Variants in TPD52L2 observed in about 807,000 individuals in gnomAD.
TPD52L2 encodes TPD52 like 2.
Under a neutral mutation model 24.7 loss-of-function variants are expected in TPD52L2, and 19 were observed. The ratio of observed to expected loss-of-function variants is 0.77; its 90% confidence interval spans 0.54 to 1.13. TPD52L2 has a LOEUF of 1.13. Ranked by LOEUF, TPD52L2 falls within the 50% of genes most tolerant of loss-of-function variation. TPD52L2 has a pLI of 0.00. For synonymous variants in TPD52L2, 104 were observed against 100.2 expected (o/e 1.04, Z -0.23); for missense variants, 236 against 250.4 (o/e 0.94, Z 0.39).
intron 4 of TPD52L2, chr20:63,876,948 G>A (rs966572172): frequency 2.2e-6 from 1 of 455,008 alleles, no homozygotes; most frequent in Non-Finnish European, 4.4e-6. Flanking sequence ...TGTGGGCATG[G>A]CTACAGCAGC....
In TPD52L2 at chr20:63,865,285, T is replaced by A; in HGVS notation, c.-81T>A. The A allele has an allele frequency of 2.1e-6, 3 of 1,451,032 alleles. No individual in the cohort carries two copies. The highest frequency in any genetic ancestry group is 2.7e-6 in the Non-Finnish European group (3 of 1,098,378). 89.9% of individuals were successfully genotyped at this position (1,451,032 alleles called of 1,614,324 possible). A position where few individuals can be genotyped will look rare whatever the true frequency, so the allele number is the denominator to read the frequency against. On this transcript the variant is annotated 5_prime_UTR_variant, in exon 1 of 7. Transcript: ENST00000346249. ...GAGCTGAGGCAGTTCCGCTGGCTAG[T>A]GTGTACGCGGCGAGCTTCTCCCGGC...
intron 2 of TPD52L2, among the ~76,000 whole-genome samples, chr20:63,871,139 T>G (rs2052448821): frequency 1.3e-5 from 2 of 151,534 alleles, no homozygotes; most frequent in Non-Finnish European, 2.9e-5. Context: ...GCCTCCCTGG[T>G]TCAAGTGATT....
intron 5 of TPD52L2, chr20:63,886,094 A>AG (rs754895124): frequency 8.2e-6 from 13 of 1,589,390 alleles, no homozygotes; most frequent in Non-Finnish European, 1.1e-5. Flanking sequence ...GAATTGGGGC[A>AG]GGGTGGACTC....
In TPD52L2 at chr20:63,877,472, C is replaced by G. The variant is rs1356931650; in HGVS notation, c.374+1597C>G. Among the ~76,000 whole-genome samples, 2 of 152,118 alleles carry G rather than the reference C, an allele frequency of 1.3e-5. No individual in the cohort carries two copies. Among genetic ancestry groups the G allele is most frequent in the African/African-American group, 4.8e-5 (2 of 41,420 alleles). The stretch of plus-strand genomic sequence containing the variant: ...CTGCACCCGGCTTGAGCAGGGTGTT[C>G]TAGGGACCCTGGTGGGCTGTGTCTC... On this transcript the variant is annotated intron_variant, in intron 4 of 6. Coordinates refer to ENST00000346249, the MANE Select transcript of TPD52L2 (RefSeq NM_003288.4). This position sits in a 1 kb window ranked among gnomAD's most constrained non-coding sequence, Gnocchi z 4.1.
chr20:63,876,522 C>T, intron 4 of TPD52L2: 1 of 348,622 alleles, frequency 2.9e-6, no homozygotes, highest in Non-Finnish European at 5.7e-6. Flanking sequence ...ACTTCATTTA[C>T]TTGTGCTCTG....
At position 63,870,625 on chromosome 20, in the gene TPD52L2, G is replaced by A. The variant is rs960613727; in HGVS notation, c.165+1184G>A. On this transcript the variant is annotated intron_variant, in intron 2 of 6. Coordinates refer to ENST00000346249, the MANE Select transcript of TPD52L2 (RefSeq NM_003288.4). Reference sequence around the variant, plus strand: ...TGCAACCTCCAACACCCGGGTTCACGCCATTCTCCTGCCTCAGCCTCCTGA... The same window carrying A: ...TGCAACCTCCAACACCCGGGTTCACACCATTCTCCTGCCTCAGCCTCCTGA... 4.2e-5 allele frequency among the ~76,000 whole-genome samples: 6 copies of A among 143,242 alleles called. 1 individual carries two copies. Among genetic ancestry groups the A allele is most frequent in the East Asian group, 2.2e-4 (1 of 4,472 alleles). The allele number at this position is 143,242 out of a possible 152,430, so 94.0% of individuals were successfully genotyped here. A position where few individuals can be genotyped will look rare whatever the true frequency, so the allele number is the denominator to read the frequency against.
intron 5 of TPD52L2, chr20:63,886,108 C>T (rs1246076643): frequency 1.9e-6 from 3 of 1,539,588 alleles, no homozygotes; most frequent in Non-Finnish European, 2.7e-6. Flanking sequence ...TGGACTCCGG[C>T]AGGGCCCTTG....
intron 3 of TPD52L2, 68 bp downstream of exon 3, chr20:63,873,884 T>G (rs2052561020): frequency 2.8e-6 from 4 of 1,408,282 alleles, no homozygotes; most frequent in Non-Finnish European, 3.7e-6. Context: ...CCCCGGCATG[T>G]GGGGGGGCGT....
chr20:63,886,697 C>T (rs2053134430), intron 5 of TPD52L2, among the ~76,000 whole-genome samples: 1 of 148,524 alleles, frequency 6.7e-6, no homozygotes, highest in Admixed American at 6.8e-5. Context: ...CAGGCTGGAG[C>T]ACAGTGGTGT....
At chr20:63,876,222 T>A (rs1048159172) in intron 4 of TPD52L2, among the ~76,000 whole-genome samples, 2 of 152,228 alleles carry the variant, frequency 1.3e-5, no homozygotes, top group Non-Finnish European at 2.9e-5. Context: ...CCACTTGGCC[T>A]GGGTTTGTTG....
intron 5 of TPD52L2, among the ~76,000 whole-genome samples, chr20:63,884,689 G>A (rs1358206021): frequency 2.6e-5 from 4 of 152,204 alleles, no homozygotes; most frequent in Non-Finnish European, 5.9e-5. Flanking sequence ...TCAGGGCATG[G>A]CTGGCAGTGA....
At chr20:63,883,824 G>C (rs35438264) in intron 5 of TPD52L2, among the ~76,000 whole-genome samples, 55,831 of 111,144 alleles carry the variant, frequency 0.5, 10,951 homozygotes, top group East Asian at 0.74. Context: ...TGGGCTGCCT[G>C]CCTGCCTGCC....
intron 1 of TPD52L2, among the ~76,000 whole-genome samples, chr20:63,867,708 T>A (rs2052306104): frequency 6.6e-6 from 1 of 151,706 alleles, no homozygotes; most frequent in Admixed American, 6.6e-5. Flanking sequence ...TTAAGAAGAG[T>A]ATCTTTGTTA....
intron 1 of TPD52L2, among the ~76,000 whole-genome samples, chr20:63,867,578 G>A (rs1485930577): frequency 6.6e-6 from 1 of 150,730 alleles, no homozygotes; most frequent in Non-Finnish European, 1.5e-5. Context: ...AAAAAAAAAA[G>A]AGAATCAGTG....
At chr20:63,867,576 AAG>A (rs1258993542) in intron 1 of TPD52L2, among the ~76,000 whole-genome samples, 1 of 151,890 alleles carries the variant, frequency 6.6e-6, no homozygotes, top group Non-Finnish European at 1.5e-5. Context: ...AAAAAAAAAA[AAG>A]AGAATCAGTG....
rs1158969106 is a variant in TPD52L2 at position 63,877,040 on chromosome 20, T to A, written c.374+1165T>A. On this transcript the variant is annotated intron_variant, in intron 4 of 6. Coordinates refer to ENST00000346249, the MANE Select transcript of TPD52L2 (RefSeq NM_003288.4). This position sits in a 1 kb window ranked among gnomAD's most constrained non-coding sequence, Gnocchi z 4.1. ...GTTTTTTTTGTTTGTTTGGTTTTTT[T>A]TTTGAGACAACGTCTCGTTCTGTCT... is the stretch of plus-strand genomic sequence containing the variant. 2.3e-6 allele frequency: 1 copy of A among 443,180 alleles called. No individual in the cohort carries two copies. The highest frequency in any genetic ancestry group is 4.5e-6 in the Non-Finnish European group (1 of 223,802). 27.5% of individuals were successfully genotyped at this position (443,180 alleles called of 1,614,324 possible).
intron 5 of TPD52L2, among the ~76,000 whole-genome samples, chr20:63,886,377 T>TC (rs1241395170): frequency 1.3e-5 from 2 of 152,010 alleles, no homozygotes; most frequent in Non-Finnish European, 2.9e-5. Flanking sequence ...TTTTTTTTTT[T>TC]TTAGACGGAG....
At chr20:63,883,581 A>G (rs1368388153) in intron 5 of TPD52L2, among the ~76,000 whole-genome samples, 1 of 152,138 alleles carries the variant, frequency 6.6e-6, no homozygotes, top group Non-Finnish European at 1.5e-5. Flanking sequence ...CCTGGCCCCA[A>G]CTTCTGGGTG....
intron 2 of TPD52L2, among the ~76,000 whole-genome samples, chr20:63,871,353 ATT>A (rs368018116): frequency 8.1e-6 from 1 of 124,086 alleles, no homozygotes; most frequent in African/African-American, 3.0e-5. Context: ...AAGAAAGAGA[ATT>A]TTTTTTTTTT....
Sources: gnomAD v4.1 joint callset for allele counts (sites outside exome capture counted in the v4.1 genomes callset) on GRCh38, gnomAD v4.1.1 for gene constraint, Gnocchi (gnomAD v3.1) non-coding constraint, MANE v1.5 for transcripts, NCBI Gene and HGNC (gene_info 2026-07-23, HGNC 2026-07-21) for gene names.